OBI1: variants seen among roughly 807,000 people sequenced by gnomAD.
OBI1 encodes ORC ubiquitin ligase 1.
In OBI1, 59 loss-of-function variants were observed where a neutral mutation model predicts 62.4. The observed-to-expected ratio is 0.95, with a 90% confidence interval of 0.77 to 1.17. The LOEUF is 1.17. Among genes scored for constraint, OBI1 ranks in the 50% most tolerant of loss-of-function variants. The pLI is 0.00. For missense variants in OBI1, 875 were observed against 830.9 expected (o/e 1.05, Z -0.65); for synonymous variants, 302 against 292.8 (o/e 1.03, Z -0.32).
intron 5 of OBI1, among the ~76,000 whole-genome samples, chr13:78,619,922 T>C (rs1221511228): frequency 1.3e-5 from 2 of 152,236 alleles, no homozygotes; most frequent in African/African-American, 2.4e-5. Context: ...TTAAGTATTA[T>C]GACAGTCACT....
At chr13:78,642,335 A>G in intron 2 of OBI1, 122 bp from the exon 3 acceptor site, 1 of 609,650 alleles carries the variant, frequency 1.6e-6, no homozygotes, top group African/African-American at 1.9e-5. Context: ...CCTTACATAC[A>G]CACTTGGGGC....
At chr13:78,629,505 C>T (rs897000683) in intron 5 of OBI1, among the ~76,000 whole-genome samples, 17 of 151,998 alleles carry the variant, frequency 1.1e-4, no homozygotes, top group Non-Finnish European at 1.9e-4. Context: ...CACAACTGAA[C>T]AGAGACATGG....
intron 2 of OBI1, among the ~76,000 whole-genome samples, 185 bp downstream of exon 2, chr13:78,644,677 A>G (rs1054227876): frequency 4.6e-5 from 7 of 151,874 alleles, no homozygotes; most frequent in African/African-American, 1.7e-4. Context: ...TATTCCTCTT[A>G]GCACCTCTCA....
At chr13:78,620,824 G>A in intron 5 of OBI1, 1 of 344,698 alleles carries the variant, frequency 2.9e-6, no homozygotes, top group South Asian at 2.3e-5. Context: ...CGTGTTTGAA[G>A]AAAACAAATG....
rs138033595 is a variant in OBI1 at position 78,634,371 on chromosome 13, T to C, written c.638+739A>G. ...GTGCAGTGGCATGATCTCGGCCCAA[T>C]GCAACCTCTGCCTCCCGGACTCAAG... is the stretch of plus-strand genomic sequence containing the variant. On this transcript the variant is annotated intron_variant, in intron 5 of 5. Transcript: ENST00000282003. 6.6e-3 allele frequency among the ~76,000 whole-genome samples: 1,002 copies of C among 152,126 alleles called. 6 individuals are homozygous for C. The highest frequency in any genetic ancestry group is 0.023 in the African/African-American group (962 of 41,532).
At chr13:78,638,318 C>G (rs1876088957) in intron 4 of OBI1, among the ~76,000 whole-genome samples, 1 of 152,120 alleles carries the variant, frequency 6.6e-6, no homozygotes, top group African/African-American at 2.4e-5. Context: ...ATGAGGTACT[C>G]TGAAGCAGCT....
chr13:78,645,632 C>T (rs1418782532), intron 1 of OBI1, among the ~76,000 whole-genome samples: 1 of 148,370 alleles, frequency 6.7e-6, no homozygotes, highest in African/African-American at 2.5e-5. Flanking sequence ...TAAACAAGCA[C>T]AAATAATAAT....
In OBI1 at chr13:78,659,127, G is replaced by C. The variant is rs774802490; in HGVS notation, c.-7C>G. 3 of 1,609,090 alleles carry C rather than the reference G, an allele frequency of 1.9e-6. No homozygotes were observed. The highest frequency in any genetic ancestry group is 1.1e-5 in the South Asian group (1 of 90,434). ...TCTGCACGGTCTGAGCCATGGCAGCGTTCAGAATCCCGCCAACACGGAAGT... is the reference window on the plus strand; with the variant it reads ...TCTGCACGGTCTGAGCCATGGCAGCCTTCAGAATCCCGCCAACACGGAAGT... On this transcript the variant is annotated 5_prime_UTR_variant, in exon 1 of 6. Coordinates refer to ENST00000282003, the MANE Select transcript of OBI1 (RefSeq NM_024546.4).
At chr13:78,638,310 G>C (rs968904842) in intron 4 of OBI1, among the ~76,000 whole-genome samples, 14 of 152,162 alleles carry the variant, frequency 9.2e-5, no homozygotes, top group Admixed American at 3.9e-4. Flanking sequence ...TCTTTTGCAT[G>C]AGGTACTCTG....
At chr13:78,619,769 C>T (rs921015858) in intron 5 of OBI1, among the ~76,000 whole-genome samples, 2 of 152,140 alleles carry the variant, frequency 1.3e-5, no homozygotes, top group African/African-American at 4.8e-5. Flanking sequence ...ATTCCTAGAA[C>T]AATTCCTGGT....
At position 78,616,991 on chromosome 13, in the gene OBI1, A is replaced by G. The variant is rs767158237; in HGVS notation, c.770T>C (p.Leu257Pro). The change falls in exon 6 of 6, where the codon CTA becomes CCA. Residue 257 changes from leucine to proline, a missense_variant. Transcript: ENST00000282003. Reference sequence around the variant, plus strand: ...TTCTTTCTCTTCACTTGAATTTTTTAGCTGTGCAACTTGAGATTCTAGTTC... The same window carrying G: ...TTCTTTCTCTTCACTTGAATTTTTTGGCTGTGCAACTTGAGATTCTAGTTC... ...IEELESQVAQ[L>P]KNSSEEKEAM... 1.2e-6 allele frequency: 2 copies of G among 1,614,162 alleles called. No homozygotes were observed. The highest frequency in any genetic ancestry group is 3.3e-5 in the Admixed American group (2 of 60,012).
rs1413822303 is a variant in OBI1 at position 78,614,501 on chromosome 13, A to AC, written c.*1078dup. 26 of 152,542 alleles carry AC rather than the reference A, an allele frequency of 1.7e-4. No homozygotes were observed. Among genetic ancestry groups the AC allele is most frequent in the African/African-American group, 5.1e-4 (21 of 41,474 alleles). The allele number at this position is 152,542 out of a possible 1,614,324, so 9.4% of individuals were successfully genotyped here. A position where few individuals can be genotyped will look rare whatever the true frequency, so the allele number is the denominator to read the frequency against. ...TTGTGCTTACCTCTTACCTATCTTC[A>AC]CCCCCTCAACACTCTTCACAGAAAA... On this transcript the variant is annotated 3_prime_UTR_variant, in exon 6 of 6. Transcript: ENST00000282003.
chr13:78,614,712 G>C lies in OBI1; in HGVS notation c.*868C>G, dbSNP rs534879421. 6 of 152,186 alleles carry C rather than the reference G, an allele frequency of 3.9e-5. No homozygotes were observed. The highest frequency in any genetic ancestry group is 1.4e-4 in the African/African-American group (6 of 41,444). 9.4% of individuals were successfully genotyped at this position (152,186 alleles called of 1,614,324 possible). On this transcript the variant is annotated 3_prime_UTR_variant, in exon 6 of 6. Coordinates refer to ENST00000282003, the MANE Select transcript of OBI1 (RefSeq NM_024546.4). The stretch of plus-strand genomic sequence containing the variant: ...GCAAGTGGATCAAGAACTTGGCGAT[G>C]AGCTCTTTCAAACCTGTTACATCTG...
chr13:78,649,339 C>T (rs1015619184), intron 1 of OBI1, among the ~76,000 whole-genome samples: 2 of 152,176 alleles, frequency 1.3e-5, no homozygotes, highest in African/African-American at 4.8e-5. Flanking sequence ...TATGATATCA[C>T]AGAAGTCAAG....
At chr13:78,624,211 G>A (rs1566276985) in intron 5 of OBI1, among the ~76,000 whole-genome samples, 1 of 152,162 alleles carries the variant, frequency 6.6e-6, no homozygotes, top group Non-Finnish European at 1.5e-5. Context: ...GCTACGTTAT[G>A]TTGCATCTTA....
At chr13:78,642,050 G>T in intron 3 of OBI1, 72 bp downstream of exon 3, 2 of 731,282 alleles carry the variant, frequency 2.7e-6, no homozygotes, top group East Asian at 2.6e-5. Context: ...TAAGAAGTCT[G>T]GGGACTGAGG....
At chr13:78,626,531 A>C (rs867995907) in intron 5 of OBI1, among the ~76,000 whole-genome samples, 29 of 151,724 alleles carry the variant, frequency 1.9e-4, no homozygotes, top group Middle Eastern at 3.2e-3. Flanking sequence ...GTCTAGGAAA[A>C]TTAGGGAGGG....
intron 1 of OBI1, among the ~76,000 whole-genome samples, chr13:78,647,910 C>G (rs527826845): frequency 5.3e-5 from 8 of 152,202 alleles, no homozygotes; most frequent in Admixed American, 3.9e-4. Context: ...CAAAGATAAT[C>G]TGGAATAGAT....
chr13:78,654,640 T>C (rs2137471987), intron 1 of OBI1, among the ~76,000 whole-genome samples: 1 of 152,302 alleles, frequency 6.6e-6, no homozygotes, highest in East Asian at 1.9e-4. Flanking sequence ...AAGAGAGGCA[T>C]CCCTGAAAGA....
Sources: allele counts gnomAD v4.1 joint callset (sites outside exome capture counted in the v4.1 genomes callset), GRCh38; gene constraint gnomAD v4.1.1; transcripts MANE v1.5; gene names NCBI Gene and HGNC (gene_info 2026-07-23, HGNC 2026-07-21).